MYO3A: variants seen among roughly 807,000 people sequenced by gnomAD.
MYO3A encodes the protein myosin IIIA, also known as myosin-IIIa.
In MYO3A, 180 loss-of-function variants were observed where a neutral mutation model predicts 192.7. The observed-to-expected ratio is 0.93, with a 90% confidence interval of 0.83 to 1.06. The LOEUF is 1.06. Among genes scored for constraint, MYO3A ranks in the 50% least tolerant of loss-of-function variants. The pLI is 0.00. For missense variants in MYO3A, 1,896 were observed against 1,905.0 expected (o/e 1.00, Z 0.09); for synonymous variants, 628 against 645.3 (o/e 0.97, Z 0.41).
chr10:25,956,175 A>T (rs1837523783), intron 4 of MYO3A, among the ~76,000 whole-genome samples: 1 of 152,200 alleles, frequency 6.6e-6, no homozygotes, highest in African/African-American at 2.4e-5. Context: ...AGATGCCTTC[A>T]TGGCCTAATT....
chr10:25,993,769 T>C (rs1588722727), intron 4 of MYO3A, among the ~76,000 whole-genome samples: 1 of 152,234 alleles, frequency 6.6e-6, no homozygotes, highest in East Asian at 1.9e-4. Flanking sequence ...TTTCATTATG[T>C]ACCCAGTTGT....
intron 6 of MYO3A, among the ~76,000 whole-genome samples, chr10:26,005,415 G>A (rs766437430): frequency 3.3e-5 from 5 of 152,118 alleles, no homozygotes; most frequent in Non-Finnish European, 5.9e-5. Context: ...ACATAATCCC[G>A]GATTAGATCA....
intron 29 of MYO3A, 85 bp downstream of exon 29, chr10:26,170,624 T>C: frequency 6.9e-7 from 1 of 1,447,202 alleles, no homozygotes; most frequent in Non-Finnish European, 9.5e-7. Flanking sequence ...ACAGCCTTTC[T>C]TGTACTAGTC....
At chr10:26,079,207 C>T (rs578124509) in intron 14 of MYO3A, among the ~76,000 whole-genome samples, 3 of 152,056 alleles carry the variant, frequency 2.0e-5, no homozygotes, top group Non-Finnish European at 2.9e-5. Context: ...GTTAGGTGCA[C>T]ATATGTTTAG....
At chr10:25,959,398 C>T (rs965718975) in intron 4 of MYO3A, among the ~76,000 whole-genome samples, 1 of 152,048 alleles carries the variant, frequency 6.6e-6, no homozygotes, top group African/African-American at 2.4e-5. Flanking sequence ...AAAACATAGA[C>T]CCAGTTTAGT....
At position 25,995,918 on chromosome 10, in the gene MYO3A, G is replaced by A. The variant is rs567802893; in HGVS notation, c.304-572G>A. Among the ~76,000 whole-genome samples the A allele has an allele frequency of 2.6e-4, 40 of 152,322 alleles. 1 individual carries two copies. The South Asian group carries it at 5.6e-3, about 21-fold the overall frequency. On this transcript the variant is annotated intron_variant, in intron 4 of 34. Transcript: ENST00000642920. The stretch of plus-strand genomic sequence containing the variant: ...TGAGGTGTCAGTCTGCCCCTACTGG[G>A]GAGTGCCTCCCAGAAAGGCAACTCG...
chr10:26,120,568 A>C, intron 17 of MYO3A, 108 bp from the exon 18 acceptor site: 1 of 1,402,572 alleles, frequency 7.1e-7, no homozygotes, highest in Non-Finnish European at 1.0e-6. Flanking sequence ...GTCTGTGGAT[A>C]GATATGAAAG....
intron 32 of MYO3A, among the ~76,000 whole-genome samples, chr10:26,195,998 A>T (rs1843388908): frequency 6.6e-6 from 1 of 152,254 alleles, no homozygotes; most frequent in South Asian, 2.1e-4. Context: ...AAAAACAAAT[A>T]GGAGTAAATT....
At chr10:26,074,999 C>G (rs1283687961) in intron 14 of MYO3A, among the ~76,000 whole-genome samples, 3 of 151,982 alleles carry the variant, frequency 2.0e-5, no homozygotes, top group Non-Finnish European at 4.4e-5. Context: ...GAAAAACTAT[C>G]CTTTCTTTAT....
At chr10:25,937,304 CAT>C (rs1191775230) in intron 2 of MYO3A, among the ~76,000 whole-genome samples, 2 of 152,216 alleles carry the variant, frequency 1.3e-5, no homozygotes, top group African/African-American at 2.4e-5. Context: ...CTGCTTCACT[CAT>C]ATATTTTACC....
Position 26,173,975 on chromosome 10 carries a change from CCAGAGTTACTATCAGAGGTA to C in MYO3A, c.3714_3733del (p.Gln1238HisfsTer7). The C allele has an allele frequency of 6.2e-7, 1 of 1,608,038 alleles. No homozygotes were observed. Among genetic ancestry groups the C allele is most frequent in the Non-Finnish European group, 8.5e-7 (1 of 1,178,142 alleles). ...AAGTGGAGAAAGAGGAAGCTATGAT[CCAGAGTTACTATCAGAGGTA>C]CACAGAGGAGAGGAATTGTGAAGAG... On this transcript the variant is annotated frameshift_variant, in exon 30 of 35. Coordinates refer to ENST00000642920, the MANE Select transcript of MYO3A (RefSeq NM_017433.5). LOFTEE classifies it high-confidence loss of function.
intron 17 of MYO3A, 62 bp downstream of exon 17, chr10:26,096,744 G>T: frequency 8.5e-7 from 1 of 1,176,326 alleles, no homozygotes. Flanking sequence ...CTAATGTTAA[G>T]AGCATTTATT....
intron 31 of MYO3A, among the ~76,000 whole-genome samples, chr10:26,177,845 T>A (rs1425062474): frequency 6.6e-6 from 1 of 152,236 alleles, no homozygotes; most frequent in Non-Finnish European, 1.5e-5. Context: ...GGCAGAAATA[T>A]ACTAAGATGC....
chr10:26,132,448 A>G (rs1839595316), intron 20 of MYO3A, among the ~76,000 whole-genome samples: 1 of 152,206 alleles, frequency 6.6e-6, no homozygotes, highest in Non-Finnish European at 1.5e-5. Flanking sequence ...CAAGGGGAGT[A>G]CATACCAAGG....
chr10:26,082,201 C>T (rs547221439), intron 14 of MYO3A, among the ~76,000 whole-genome samples: 10 of 152,230 alleles, frequency 6.6e-5, no homozygotes, highest in African/African-American at 2.2e-4. Flanking sequence ...ATTTTAACAA[C>T]ATTAATTCTT....
At chr10:26,015,858 A>C (rs557827871) in intron 6 of MYO3A, among the ~76,000 whole-genome samples, 1 of 152,298 alleles carries the variant, frequency 6.6e-6, no homozygotes, top group South Asian at 2.1e-4. Context: ...ATCTTGGAGA[A>C]ATAAAATATA....
At chr10:26,186,391 T>C (rs1367133422) in intron 31 of MYO3A, among the ~76,000 whole-genome samples, 1 of 151,640 alleles carries the variant, frequency 6.6e-6, no homozygotes. Context: ...CTCAGCCTCC[T>C]GAGTAGCTGA....
At position 26,065,605 on chromosome 10, in the gene MYO3A, A is replaced by AAT. The variant is rs1554817236; in HGVS notation, c.954-1369_954-1368insTA. The stretch of plus-strand genomic sequence containing the variant: ...ATCTCCAAAAAAAAAAAAAAAAAAA[A>AAT]AAAAAAAAGTATACATAATTCTTTT... On this transcript the variant is annotated intron_variant, in intron 10 of 34. Coordinates refer to ENST00000642920, the MANE Select transcript of MYO3A (RefSeq NM_017433.5). Among the ~76,000 whole-genome samples the AAT allele has an allele frequency of 1.4e-3, 166 of 118,762 alleles. 13 individuals are homozygous for AAT. Among genetic ancestry groups the AAT allele is most frequent in the South Asian group, 4.2e-3 (16 of 3,844 alleles). 77.9% of individuals were successfully genotyped at this position (118,762 alleles called of 152,430 possible). A position where few individuals can be genotyped will look rare whatever the true frequency, so the allele number is the denominator to read the frequency against.
intron 17 of MYO3A, among the ~76,000 whole-genome samples, chr10:26,110,135 A>T (rs888987300): frequency 6.6e-6 from 1 of 152,096 alleles, no homozygotes; most frequent in Admixed American, 6.5e-5. Context: ...AAAAGTAGAG[A>T]CTCCAACTTG....
Sources: gnomAD v4.1 joint callset for allele counts (sites outside exome capture counted in the v4.1 genomes callset) on GRCh38, gnomAD v4.1.1 for gene constraint, MANE v1.5 for transcripts, NCBI Gene and HGNC (gene_info 2026-07-23, HGNC 2026-07-21) for gene names.